PLG: variants seen among roughly 807,000 people sequenced by gnomAD.
PLG encodes plasminogen.
Under a neutral mutation model 104.4 loss-of-function variants are expected in PLG, and 41 were observed. The observed-to-expected ratio is 0.39, with a 90% CI of 0.31 to 0.51. The LOEUF (loss-of-function observed/expected upper bound fraction) is 0.51, where lower values mean the gene tolerates loss of function less well. Ranked by LOEUF, PLG falls within the 20% of genes least tolerant of loss-of-function variation. PLG has a pLI of 0.76. For synonymous variants in PLG, 337 were observed against 357.1 expected, an observed-to-expected ratio of 0.94 and a Z score of 0.63; for missense variants, 891 against 1,003.6, an observed-to-expected ratio of 0.89 and a Z score of 1.52.
At chr6:160,733,434 C>T (rs1455817928) in intron 12 of PLG, among the ~76,000 whole-genome samples, 1 of 152,146 alleles carries the variant, frequency 6.6e-6, no homozygotes, top group East Asian at 1.9e-4. Flanking sequence ...CGAGGGTCAC[C>T]ACTCCCTGTC....
chr6:160,712,713 G>A (rs891580234), intron 4 of PLG, among the ~76,000 whole-genome samples: 20 of 152,194 alleles, frequency 1.3e-4, no homozygotes, highest in African/African-American at 4.8e-4. Context: ...GCAGCCTTTT[G>A]AGGCCTTTAT....
At chr6:160,709,870 C>T (rs1204885949) in intron 3 of PLG, among the ~76,000 whole-genome samples, 2 of 152,154 alleles carry the variant, frequency 1.3e-5, no homozygotes, top group Non-Finnish European at 2.9e-5. Context: ...TAAAAAATGG[C>T]TAAAGTGGGT....
rs945757942 is a variant in PLG, at chr6:160,737,803, G to C, written c.1803-735G>C. On this transcript the variant is annotated intron_variant, in intron 14 of 18. Coordinates refer to ENST00000308192, the MANE Select transcript of PLG (RefSeq NM_000301.5). The surrounding 1 kb of genome is among the most constrained non-coding windows in gnomAD (Gnocchi z 4.7). Reference sequence around the variant, plus strand: ...TCGCATTGCATTTCACTCTGCTGTTGAGTCGATTTTTCTTTATTTTATCAT... The same window carrying C: ...TCGCATTGCATTTCACTCTGCTGTTCAGTCGATTTTTCTTTATTTTATCAT... Among the ~76,000 whole-genome samples the C allele has an allele frequency of 6.6e-6, 1 of 152,088 alleles. No homozygotes were observed. Among genetic ancestry groups the C allele is most frequent in the Non-Finnish European group, 1.5e-5 (1 of 68,026 alleles).
chr6:160,703,224 C>T (rs1777453050), intron 1 of PLG, among the ~76,000 whole-genome samples: 1 of 150,906 alleles, frequency 6.6e-6, no homozygotes, highest in South Asian at 2.1e-4. Flanking sequence ...TTGTTTAAGC[C>T]TTTGAAAGAA....
At position 160,723,589 on chromosome 6, in the gene PLG, A is replaced by C. The variant is rs770959861; in HGVS notation, c.1256+1022A>C. On this transcript the variant is annotated intron_variant, in intron 10 of 18. Transcript: ENST00000308192. The surrounding 1 kb of genome is among the most constrained non-coding windows in gnomAD (Gnocchi z 4.7). ...TAAAACAGCTGAGATTTTCTAGGCTAGGTAATAACATGAAAGGAAACATTG... is the reference window on the plus strand; with the variant it reads ...TAAAACAGCTGAGATTTTCTAGGCTCGGTAATAACATGAAAGGAAACATTG... Among the ~76,000 whole-genome samples, 34 of 152,234 alleles carry C rather than the reference A, an allele frequency of 2.2e-4. No individual in the cohort carries two copies. The highest frequency in any genetic ancestry group is 4.0e-4 in the Non-Finnish European group (27 of 68,036).
At position 160,753,432 on chromosome 6, in the gene PLG, G is replaced by A. The variant is rs528224234; in HGVS notation, c.*371G>A. On this transcript the variant is annotated 3_prime_UTR_variant, in exon 19 of 19. Transcript: ENST00000308192. The surrounding 1 kb of genome is among the most constrained non-coding windows in gnomAD (Gnocchi z 5.4). The stretch of plus-strand genomic sequence containing the variant: ...CTGAGCAGGCTGCAAGGTCACAGAG[G>A]GGAGAGCCAAGAAGTTGTCCACGCA... 1.4e-3 allele frequency: 503 copies of A among 354,828 alleles called. No homozygotes were observed. Among genetic ancestry groups the A allele is most frequent in the Non-Finnish European group, 2.4e-3 (452 of 184,650 alleles). The allele number at this position is 354,828 out of a possible 1,614,324, so 22.0% of individuals were successfully genotyped here. A position where few individuals can be genotyped will look rare whatever the true frequency, so the allele number is the denominator to read the frequency against.
chr6:160,705,691 A>G (rs1777508763), intron 1 of PLG: 1 of 152,234 alleles, frequency 6.6e-6, no homozygotes, highest in African/African-American at 2.4e-5. Context: ...GACCATTCAG[A>G]GGATGCTTCC....
chr6:160,728,003 A>G (rs1777945237), intron 10 of PLG, among the ~76,000 whole-genome samples: 1 of 151,976 alleles, frequency 6.6e-6, no homozygotes, highest in South Asian at 2.1e-4. Context: ...TAAAGTTTGG[A>G]GAGGAAGAAT....
chr6:160,716,775 G>T lies in PLG; in HGVS notation c.787+12G>T. 6.9e-7 allele frequency: 1 copy of T among 1,451,172 alleles called. No individual in the cohort carries two copies. The highest frequency in any genetic ancestry group is 9.7e-7 in the Non-Finnish European group (1 of 1,031,448). The allele number at this position is 1,451,172 out of a possible 1,614,324, so 89.9% of individuals were successfully genotyped here. A position where few individuals can be genotyped will look rare whatever the true frequency, so the allele number is the denominator to read the frequency against. ...CATCCCCCGCTGCAGTGAGTATGAT[G>T]CACACCCAGATTCCAGGATTTGGAC... is the stretch of plus-strand genomic sequence containing the variant. On this transcript the variant is annotated intron_variant, in intron 7 of 18. Transcript: ENST00000308192.
chr6:160,726,241 G>T lies in PLG; in HGVS notation c.1256+3674G>T, dbSNP rs925854176. ...TTGAAAAGAATTAAAATGATACAGA[G>T]TCTGTTTTTGAGCAAAACAGAATTA... On this transcript the variant is annotated intron_variant, in intron 10 of 18. Transcript: ENST00000308192. This position sits in a 1 kb window ranked among gnomAD's most constrained non-coding sequence, Gnocchi z 4.4. Among the ~76,000 whole-genome samples the T allele has an allele frequency of 6.6e-6, 1 of 151,964 alleles. No homozygotes were observed. Among genetic ancestry groups the T allele is most frequent in the Non-Finnish European group, 1.5e-5 (1 of 67,940 alleles).
At position 160,752,723 on chromosome 6, in the gene PLG, G is replaced by A. The variant is rs151259286; in HGVS notation, c.2272-177G>A. Among the ~76,000 whole-genome samples the A allele has an allele frequency of 7.2e-4, 110 of 152,260 alleles. No homozygotes were observed. The highest frequency in any genetic ancestry group is 2.5e-3 in the African/African-American group (102 of 41,540). ...CGGAAAAACTAAGTGGTGTGGTTTCGCTAAACAGATTTTGCTAAGTACTTA... is the reference window on the plus strand; with the variant it reads ...CGGAAAAACTAAGTGGTGTGGTTTCACTAAACAGATTTTGCTAAGTACTTA... On this transcript the variant is annotated intron_variant, in intron 18 of 18. Transcript: ENST00000308192. The surrounding 1 kb of genome is among the most constrained non-coding windows in gnomAD (Gnocchi z 4.7).
At position 160,731,386 on chromosome 6, in the gene PLG, A is replaced by C. The variant is rs1323340407; in HGVS notation, c.1438+154A>C. Among the ~76,000 whole-genome samples, 1 of 152,124 alleles carries C rather than the reference A, an allele frequency of 6.6e-6. No homozygotes were observed. The highest frequency in any genetic ancestry group is 2.4e-5 in the African/African-American group (1 of 41,418). ...GAAGGAAGCCTCAGTGCACTCTCTCAAGGAGGCAGAGGTGTGACTTTTGGC... is the reference window on the plus strand; with the variant it reads ...GAAGGAAGCCTCAGTGCACTCTCTCCAGGAGGCAGAGGTGTGACTTTTGGC... On this transcript the variant is annotated intron_variant, in intron 11 of 18. Transcript: ENST00000308192. This position sits in a 1 kb window ranked among gnomAD's most constrained non-coding sequence, Gnocchi z 5.1.
At chr6:160,714,714 T>G (rs139389770) in intron 5 of PLG, 80 bp from the exon 6 acceptor site, 14,268 of 1,401,070 alleles carry the variant, frequency 0.01, 105 homozygotes, top group Non-Finnish European at 0.012. Context: ...GTGAGTAGGA[T>G]TCTGGTTTTT....
rs181030365 is a variant in PLG, at chr6:160,741,375, G to T, written c.2083G>T (p.Asp695Tyr). 1 of 1,613,480 alleles carries T rather than the reference G, an allele frequency of 6.2e-7. No individual in the cohort carries two copies. Residue 695 changes from aspartate (D) to tyrosine (Y), a missense_variant, in exon 17 of 19, where the codon GAC (aspartate) becomes TAC (tyrosine). Coordinates refer to ENST00000308192, the MANE Select transcript of PLG (RefSeq NM_000301.5). The surrounding 1 kb of genome is among the most constrained non-coding windows in gnomAD (Gnocchi z 4.7). Reference protein sequence around the residue: ...CLPSPNYVVADRTECFITGWG... With the variant: ...CLPSPNYVVAYRTECFITGWG... The stretch of plus-strand genomic sequence containing the variant: ...GCCATCCCCAAATTATGTGGTCGCT[G>T]ACCGGACCGAATGTTTCATCACTGG...
chr6:160,713,273 A>AT lies in PLG; in HGVS notation c.547+160dup, dbSNP rs113752311. 146,591 of 544,232 alleles carry AT rather than the reference A, an allele frequency of 0.27. 5,915 individuals are homozygous for AT. The highest frequency in any genetic ancestry group is 0.32 in the Non-Finnish European group (99,812 of 312,866). 33.7% of individuals were successfully genotyped at this position (544,232 alleles called of 1,614,324 possible). The stretch of plus-strand genomic sequence containing the variant: ...AAGCAAAACCCCAGAATTAACCTGA[A>AT]TTTTTTTTTTTTCTGAGACAGAGTT... On this transcript the variant is annotated intron_variant, in intron 5 of 18. Coordinates refer to ENST00000308192, the MANE Select transcript of PLG (RefSeq NM_000301.5).
At chr6:160,707,086 G>T (rs1329142948) in intron 2 of PLG, among the ~76,000 whole-genome samples, 1 of 152,194 alleles carries the variant, frequency 6.6e-6, no homozygotes, top group Non-Finnish European at 1.5e-5. Flanking sequence ...AACTGAGCTG[G>T]GTTTGGAGTT....
chr6:160,720,975 T>G (rs2115165851), intron 9 of PLG, among the ~76,000 whole-genome samples: 1 of 152,292 alleles, frequency 6.6e-6, no homozygotes, highest in South Asian at 2.1e-4. Context: ...TATGGATTAT[T>G]TTTTCAGTTG....
intron 1 of PLG, among the ~76,000 whole-genome samples, chr6:160,705,162 C>T (rs1412425036): frequency 4.6e-5 from 7 of 152,160 alleles, no homozygotes; most frequent in African/African-American, 1.2e-4. Context: ...TTTTATTAGC[C>T]TCTTTTGGCC....
At position 160,741,686 on chromosome 6, in the gene PLG, G is replaced by C. The variant is rs1440394621; in HGVS notation, c.2125+269G>C. 1.3e-5 allele frequency among the ~76,000 whole-genome samples: 2 copies of C among 151,876 alleles called. No individual in the cohort carries two copies. The highest frequency in any genetic ancestry group is 4.8e-5 in the African/African-American group (2 of 41,300). On this transcript the variant is annotated intron_variant, in intron 17 of 18. Transcript: ENST00000308192. The surrounding 1 kb of genome is among the most constrained non-coding windows in gnomAD (Gnocchi z 4.7). ...TAATTAATTTTTAACTTTTATTTTA[G>C]GTTCAGGGGTACATGTGCAAGTTTC... is the stretch of plus-strand genomic sequence containing the variant.
Sources: allele counts gnomAD v4.1 joint callset (sites outside exome capture counted in the v4.1 genomes callset), GRCh38; gene constraint gnomAD v4.1.1; non-coding constraint Gnocchi (gnomAD v3.1); transcripts MANE v1.5; gene names NCBI Gene and HGNC (gene_info 2026-07-23, HGNC 2026-07-21).